Variants in ABTB2 observed in about 807,000 individuals in gnomAD.
ABTB2 encodes the protein ankyrin repeat and BTB/POZ domain-containing protein 2.
ABTB2 carries 56 observed loss-of-function variants against 104.1 expected under a neutral mutation model. That is an observed-to-expected ratio of 0.54 (90% CI 0.43 to 0.67). The LOEUF is 0.67. Among genes scored for constraint, ABTB2 ranks in the 30% least tolerant of loss-of-function variants. The probability of loss-of-function intolerance (pLI) is 0.00; values close to 1 mark genes in which losing one functional copy is unlikely to be tolerated. For missense variants in ABTB2, 1,279 were observed against 1,407.7 expected (o/e 0.91, Z 1.46); for synonymous variants, 606 against 608.2 (o/e 1.00, Z 0.05).
chr11:34,178,893 T>C (rs1437248207), intron 3 of ABTB2, among the ~76,000 whole-genome samples: 1 of 152,070 alleles, frequency 6.6e-6, no homozygotes, highest in Non-Finnish European at 1.5e-5. Flanking sequence ...CTGACCAACT[T>C]GGCAAAACCC....
At chr11:34,293,457 T>A (rs1159880749) in intron 1 of ABTB2, among the ~76,000 whole-genome samples, 2 of 151,950 alleles carry the variant, frequency 1.3e-5, no homozygotes, top group Admixed American at 1.3e-4. Context: ...GGCCCAAGGG[T>A]GGGCCTAGAG....
chr11:34,310,742 T>C (rs1854840911), intron 1 of ABTB2, among the ~76,000 whole-genome samples: 1 of 152,288 alleles, frequency 6.6e-6, no homozygotes, highest in South Asian at 2.1e-4. Context: ...AGAAGGAACA[T>C]GGCTCTCCTC....
intron 5 of ABTB2, among the ~76,000 whole-genome samples, chr11:34,170,371 C>G (rs926449896): frequency 6.6e-6 from 1 of 152,176 alleles, no homozygotes; most frequent in African/African-American, 2.4e-5. Context: ...AAAACAGATG[C>G]GAAACTCAAG....
chr11:34,295,005 C>T (rs1215239218), intron 1 of ABTB2, among the ~76,000 whole-genome samples: 4 of 152,054 alleles, frequency 2.6e-5, no homozygotes, highest in South Asian at 2.1e-4. Context: ...TGAGCCACCA[C>T]GCCGGGCCTC....
chr11:34,298,595 TG>T (rs1164973230), intron 1 of ABTB2, among the ~76,000 whole-genome samples: 8 of 152,108 alleles, frequency 5.3e-5, no homozygotes, highest in African/African-American at 1.7e-4. Flanking sequence ...TCCCAGTAGC[TG>T]GAACTACAGG....
intron 14 of ABTB2, among the ~76,000 whole-genome samples, chr11:34,157,550 C>CT (rs1852646926): frequency 6.6e-6 from 1 of 152,230 alleles, no homozygotes; most frequent in Non-Finnish European, 1.5e-5. Flanking sequence ...GACCTGCCTC[C>CT]TGCCTGATCT....
At chr11:34,185,979 A>C (rs895845917) in intron 3 of ABTB2, among the ~76,000 whole-genome samples, 27 of 152,248 alleles carry the variant, frequency 1.8e-4, no homozygotes, top group Non-Finnish European at 3.2e-4. Flanking sequence ...AAACAACAAC[A>C]AAACCCCCCA....
At chr11:34,188,287 C>T (rs1853128843) in intron 3 of ABTB2, among the ~76,000 whole-genome samples, 1 of 152,186 alleles carries the variant, frequency 6.6e-6, no homozygotes, top group Admixed American at 6.5e-5. Flanking sequence ...TAACTGCCTA[C>T]TACACATGCC....
At chr11:34,347,993 C>T (rs993126540) in intron 1 of ABTB2, among the ~76,000 whole-genome samples, 3 of 152,210 alleles carry the variant, frequency 2.0e-5, no homozygotes, top group Non-Finnish European at 4.4e-5. Flanking sequence ...ACACATTTGC[C>T]AGTCTTGACC....
chr11:34,323,133 C>T (rs1471979812), intron 1 of ABTB2, among the ~76,000 whole-genome samples: 2 of 152,174 alleles, frequency 1.3e-5, no homozygotes, highest in African/African-American at 2.4e-5. Flanking sequence ...TCTCGAACTC[C>T]TGACCTCAAG....
chr11:34,342,873 T>G (rs1855278807), intron 1 of ABTB2, among the ~76,000 whole-genome samples: 2 of 152,246 alleles, frequency 1.3e-5, no homozygotes, highest in African/African-American at 4.8e-5. Flanking sequence ...AGTATTCACT[T>G]CATTTACCAG....
At chr11:34,174,324 C>CAAAAAAAA (rs545699866) in intron 3 of ABTB2, among the ~76,000 whole-genome samples, 5 of 114,918 alleles carry the variant, frequency 4.4e-5, no homozygotes, top group African/African-American at 1.7e-4. Context: ...GACTCCGTCT[C>CAAAAAAAA]AAAAAAAAAA....
chr11:34,182,504 G>A lies in ABTB2; in HGVS notation c.1245-9197C>T, dbSNP rs536696510. ...GTGGGGCATTGGGTTCTCTGGGGGG[G>A]GGGGGAAATTCACTTTTCCTATTAA... On this transcript the variant is annotated intron_variant, in intron 3 of 16. Transcript: ENST00000435224. Among the ~76,000 whole-genome samples, 15 of 139,534 alleles carry A rather than the reference G, an allele frequency of 1.1e-4. 4 individuals are homozygous for A. Among genetic ancestry groups the A allele is most frequent in the Non-Finnish European group, 1.6e-4 (10 of 63,906 alleles). 91.5% of individuals were successfully genotyped at this position (139,534 alleles called of 152,430 possible). A position where few individuals can be genotyped will look rare whatever the true frequency, so the allele number is the denominator to read the frequency against.
intron 1 of ABTB2, among the ~76,000 whole-genome samples, chr11:34,247,134 A>T (rs1853995275): frequency 6.6e-6 from 1 of 152,212 alleles, no homozygotes; most frequent in Non-Finnish European, 1.5e-5. Flanking sequence ...GACGTGAGCC[A>T]CTGCACCTGG....
intron 2 of ABTB2, among the ~76,000 whole-genome samples, chr11:34,198,435 AAC>A (rs550739575): frequency 0.031 from 4,330 of 137,664 alleles, 201 homozygotes; most frequent in African/African-American, 0.11. Context: ...GTCTCAAAAA[AAC>A]AAACAAACAA....
At chr11:34,209,127 C>T (rs1268910255) in intron 1 of ABTB2, among the ~76,000 whole-genome samples, 1 of 152,146 alleles carries the variant, frequency 6.6e-6, no homozygotes, top group Non-Finnish European at 1.5e-5. Flanking sequence ...GGGTGAATCA[C>T]TTGAGGCCAG....
At chr11:34,341,526 G>A (rs191657189) in intron 1 of ABTB2, among the ~76,000 whole-genome samples, 9 of 152,296 alleles carry the variant, frequency 5.9e-5, no homozygotes, top group Admixed American at 1.3e-4. Flanking sequence ...TTCTATATCT[G>A]CATTGTCCAA....
At chr11:34,165,651 T>C (rs916337528) in intron 7 of ABTB2, among the ~76,000 whole-genome samples, 1 of 152,254 alleles carries the variant, frequency 6.6e-6, no homozygotes, top group African/African-American at 2.4e-5. Flanking sequence ...TGCAGCCACC[T>C]TTCTGAGAAC....
chr11:34,242,334 C>T (rs998630393), intron 1 of ABTB2: 1 of 152,350 alleles, frequency 6.6e-6, no homozygotes, highest in African/African-American at 2.4e-5. Flanking sequence ...GTTCCCACCA[C>T]GAGGACACCC....
Sources: allele counts gnomAD v4.1 joint callset (sites outside exome capture counted in the v4.1 genomes callset), GRCh38; gene constraint gnomAD v4.1.1; transcripts MANE v1.5; gene names NCBI Gene and HGNC (gene_info 2026-07-23, HGNC 2026-07-21).